The following MARCHF8 variants were observed in gnomAD, a reference collection of about 807,000 sequenced individuals.
MARCHF8 encodes the protein E3 ubiquitin-protein ligase MARCHF8.
In MARCHF8, 40 loss-of-function variants were observed where a neutral mutation model predicts 51.6. That is an observed-to-expected ratio of 0.77 (90% CI 0.60 to 1.01). The LOEUF is 1.01. Among genes scored for constraint, MARCHF8 ranks in the 50% least tolerant of loss-of-function variants. The probability of loss-of-function intolerance (pLI) is 0.00; values close to 1 mark genes in which losing one functional copy is unlikely to be tolerated. For synonymous variants in MARCHF8, 263 were observed against 280.3 expected (o/e 0.94, Z 0.62); for missense variants, 685 against 708.6 (o/e 0.97, Z 0.38).
chr10:45,565,871 T>C (rs769718720), intron 1 of MARCHF8, among the ~76,000 whole-genome samples: 40 of 152,354 alleles, frequency 2.6e-4, no homozygotes, highest in Non-Finnish European at 4.4e-4. Context: ...GTTTTATATG[T>C]GTTTTTGTTT....
intron 2 of MARCHF8, among the ~76,000 whole-genome samples, chr10:45,519,529 T>G (rs2043673094): frequency 6.6e-6 from 1 of 152,242 alleles, no homozygotes; most frequent in South Asian, 2.1e-4. Context: ...TTACACCTAC[T>G]CAATTCTGCC....
intron 1 of MARCHF8, among the ~76,000 whole-genome samples, chr10:45,562,973 T>C (rs1272521571): frequency 3.3e-5 from 5 of 151,452 alleles, no homozygotes; most frequent in Non-Finnish European, 7.4e-5. Flanking sequence ...CAAACATAGA[T>C]GAGGGATGCA....
At chr10:45,480,654 T>A in intron 3 of MARCHF8, among the ~76,000 whole-genome samples, 1 of 152,192 alleles carries the variant, frequency 6.6e-6, no homozygotes, top group South Asian at 2.1e-4. Context: ...CATGTGGTGT[T>A]GAGCCTGCGG....
chr10:45,489,672 A>C (rs940585821), intron 2 of MARCHF8, among the ~76,000 whole-genome samples: 3 of 152,184 alleles, frequency 2.0e-5, no homozygotes, highest in African/African-American at 7.2e-5. Flanking sequence ...ATCAGGAAAA[A>C]ATAAGAGTTT....
intron 1 of MARCHF8, among the ~76,000 whole-genome samples, chr10:45,579,360 G>A (rs2044527003): frequency 6.7e-6 from 1 of 150,204 alleles, no homozygotes. Flanking sequence ...TAGAAAACTA[G>A]GTAAGCTTTT....
chr10:45,575,179 T>A (rs35639934), intron 1 of MARCHF8, among the ~76,000 whole-genome samples: 8,465 of 152,156 alleles, frequency 0.056, 286 homozygotes, highest in Non-Finnish European at 0.066. Flanking sequence ...TCAGATCCCA[T>A]CGCCCAGGAC....
At chr10:45,508,719 T>G (rs1354935461) in intron 2 of MARCHF8, among the ~76,000 whole-genome samples, 2 of 152,224 alleles carry the variant, frequency 1.3e-5, no homozygotes, top group Non-Finnish European at 2.9e-5. Context: ...GGATTATTGC[T>G]ATATTTCAAG....
chr10:45,489,508 T>A (rs1186083639), intron 2 of MARCHF8, 91 bp from the exon 3 acceptor site: 7 of 1,172,828 alleles, frequency 6.0e-6, no homozygotes, highest in Non-Finnish European at 8.8e-6. Context: ...TACTGACAAA[T>A]CATTCCCTGA....
intron 2 of MARCHF8, among the ~76,000 whole-genome samples, chr10:45,495,426 G>C (rs1449402127): frequency 2.0e-5 from 3 of 151,970 alleles, no homozygotes; most frequent in African/African-American, 7.3e-5. Flanking sequence ...AATCTCTTCT[G>C]ATCTGATGCT....
intron 1 of MARCHF8, among the ~76,000 whole-genome samples, chr10:45,577,206 T>C (rs2044499985): frequency 6.6e-6 from 1 of 151,008 alleles, no homozygotes; most frequent in Admixed American, 6.6e-5. Context: ...AGTAGAAGGA[T>C]GGTTACTGGA....
intron 1 of MARCHF8, among the ~76,000 whole-genome samples, chr10:45,575,106 T>A (rs1377208495): frequency 6.6e-6 from 1 of 152,098 alleles, no homozygotes; most frequent in Non-Finnish European, 1.5e-5. Flanking sequence ...AGGCATCAGA[T>A]CCCATTGCTC....
rs183991078 is a variant in MARCHF8 at position 45,481,154 on chromosome 10, C to T, written c.153+8213G>A. The stretch of plus-strand genomic sequence containing the variant: ...ACTTACATGGGGCCTTTAGCCCCTT[C>T]ATTTTGGCCAGTTTCTCCCATTTGG... On this transcript the variant is annotated intron_variant, in intron 3 of 7. Transcript: ENST00000453424. 4.1e-3 allele frequency among the ~76,000 whole-genome samples: 620 copies of T among 152,328 alleles called. 4 individuals carry two copies. The highest frequency in any genetic ancestry group is 0.014 in the African/African-American group (594 of 41,582).
intron 2 of MARCHF8, among the ~76,000 whole-genome samples, chr10:45,526,930 C>CA (rs1286616489): frequency 2.0e-5 from 3 of 152,126 alleles, no homozygotes; most frequent in Admixed American, 1.3e-4. Context: ...GTTGTCTTCT[C>CA]AGACTACAGT....
At chr10:45,583,739 C>T (rs2044580415) in intron 1 of MARCHF8, among the ~76,000 whole-genome samples, 1 of 151,942 alleles carries the variant, frequency 6.6e-6, no homozygotes, top group Non-Finnish European at 1.5e-5. Context: ...TCTTTATGTA[C>T]TTACAGTATT....
At chr10:45,554,040 T>A (rs547164371) in intron 1 of MARCHF8, among the ~76,000 whole-genome samples, 3 of 152,252 alleles carry the variant, frequency 2.0e-5, no homozygotes, top group Non-Finnish European at 4.4e-5. Context: ...GAAATGACCC[T>A]AAATATTTGT....
Position 45,463,448 on chromosome 10 carries a change from GAGAAC to G in MARCHF8, c.786_790del (p.Phe263ThrfsTer15). The G allele has an allele frequency of 6.4e-7, 1 of 1,550,672 alleles. No homozygotes were observed. Among genetic ancestry groups the G allele is most frequent in the Non-Finnish European group, 8.7e-7 (1 of 1,147,020 alleles). Reference sequence around the variant, plus strand: ...GCTGGCGCTCAAGCCGTGCGAGAGTGAGAACAGGTACTGGAGCAGTTGCCGGCTTC... The same window carrying G: ...GCTGGCGCTCAAGCCGTGCGAGAGTGAGGTACTGGAGCAGTTGCCGGCTTC... On this transcript the variant is annotated frameshift_variant, in exon 5 of 8. Transcript: ENST00000453424. LOFTEE classifies it high-confidence loss of function.
intron 3 of MARCHF8, 35 bp downstream of exon 3, chr10:45,489,332 A>G: frequency 6.4e-7 from 1 of 1,553,188 alleles, no homozygotes; most frequent in Non-Finnish European, 8.9e-7. Context: ...GAAAAGACTC[A>G]AGGTAATAAA....
chr10:45,487,082 A>G lies in MARCHF8; in HGVS notation c.153+2285T>C, dbSNP rs1170841048. On this transcript the variant is annotated intron_variant, in intron 3 of 7. Coordinates refer to ENST00000453424, the MANE Select transcript of MARCHF8 (RefSeq NM_001282866.2). ...CGCTTCAGCCTCCCAAATTGCTGCG[A>G]TTACAGGTGTGAGCCACCACGCCTG... Among the ~76,000 whole-genome samples, 9 of 152,188 alleles carry G rather than the reference A, an allele frequency of 5.9e-5. No individual in the cohort carries two copies. The East Asian group carries it at 1.7e-3, about 29-fold the overall frequency.
rs1367407971 is a variant in MARCHF8, at chr10:45,576,759, T to C, written c.-79+17476A>G. On this transcript the variant is annotated intron_variant, in intron 1 of 6. Coordinates refer to the MARCHF8 transcript ENST00000319836. ...CAACACAGTGAGGCTTCATCTCTAC[T>C]ACAAATAAAAATTAAAAAAAAAAAA... 2.8e-5 allele frequency among the ~76,000 whole-genome samples: 4 copies of C among 141,274 alleles called. No individual in the cohort carries two copies. The Admixed American group carries it at 2.9e-4, about 10-fold the overall frequency. 92.7% of individuals were successfully genotyped at this position (141,274 alleles called of 152,430 possible).
Sources: allele counts gnomAD v4.1 joint callset (sites outside exome capture counted in the v4.1 genomes callset), GRCh38; gene constraint gnomAD v4.1.1; transcripts MANE v1.5; gene names NCBI Gene and HGNC (gene_info 2026-07-23, HGNC 2026-07-21).